The following POLRMT variants were observed in gnomAD, a reference collection of about 807,000 sequenced individuals.
POLRMT encodes RNA polymerase mitochondrial, also known as DNA-directed RNA polymerase, mitochondrial.
A neutral mutation model predicts 132.2 loss-of-function variants in POLRMT; 114 were observed. The ratio of observed to expected loss-of-function variants is 0.86; its 90% CI spans 0.74 to 1.01. The LOEUF (loss-of-function observed/expected upper bound fraction) is 1.01, where lower values mean the gene tolerates loss of function less well. Ranked by LOEUF, POLRMT falls within the 50% of genes least tolerant of loss-of-function variation. The pLI, the probability that POLRMT is intolerant of heterozygous loss-of-function variation, is 0.00. For synonymous variants in POLRMT, 1,020 were observed against 773.4 expected (o/e 1.32, Z -5.29); for missense variants, 2,003 against 1,729.1 (o/e 1.16, Z -2.81).
In POLRMT at chr19:621,664, C is replaced by T. The variant is rs764634058; in HGVS notation, c.2034G>A (p.Thr678=). 2.6e-6 allele frequency: 4 copies of T among 1,547,610 alleles called. No homozygotes were observed. The highest frequency in any genetic ancestry group is 1.9e-5 in the Admixed American group (1 of 53,432). ...TKLMRTVEGA[T]QHQELLETCP... is the part of the protein sequence containing the mutation. ...AGGTTTCCAGCAGCTCCTGGTGCTG[C>T]GTGGCGCCTTCCACCGTGCGCATCA... Residue 678 remains threonine, a synonymous_variant, in exon 10 of 21, where the codon ACG becomes ACA. Transcript: ENST00000588649.
chr19:619,638 C>G lies in POLRMT; in HGVS notation c.3014G>C (p.Gly1005Ala). The change falls in exon 13 of 21, where the codon GGC becomes GCC. Residue 1005 changes from glycine (G) to alanine (A), a missense_variant. Physicochemically the swap from Gly to Ala is moderately conservative, Grantham distance 60. Transcript: ENST00000588649. The stretch of plus-strand genomic sequence containing the variant: ...GCGCTTCTCAATCTGCAGGCGCCCG[C>G]CATAGCGCGTGACCCCGTACACCAC... ...MTVVYGVTRY[G>A]GRLQIEKRLR... The G allele has an allele frequency of 5.0e-6, 8 of 1,610,848 alleles. No homozygotes were observed. The highest frequency in any genetic ancestry group is 6.8e-6 in the Non-Finnish European group (8 of 1,179,670).
intron 2 of POLRMT, among the ~76,000 whole-genome samples, chr19:632,074 C>T (rs369474658): frequency 6.9e-6 from 1 of 145,916 alleles, no homozygotes; most frequent in Non-Finnish European, 1.5e-5. Flanking sequence ...CACCAGGCCT[C>T]GGACCCTTGA....
Position 621,724 on chromosome 19 carries a change from C to A in POLRMT, c.1974G>T (p.Pro658=). Residue 658 remains proline (P), a synonymous_variant, in exon 10 of 21, where the codon CCG becomes CCT. Coordinates refer to ENST00000588649, the MANE Select transcript of POLRMT (RefSeq NM_005035.4). ...MLCPPLPWTS[P]HSGAFLLSPT... ...GGCTGAGCAGGAAAGCACCAGAGTGCGGCGATGTCCAGGGCAGCGGGGGGC... is the reference window on the plus strand; with the variant it reads ...GGCTGAGCAGGAAAGCACCAGAGTGAGGCGATGTCCAGGGCAGCGGGGGGC... 1 of 1,596,734 alleles carries A rather than the reference C, an allele frequency of 6.3e-7. No individual in the cohort carries two copies. Among genetic ancestry groups the A allele is most frequent in the South Asian group, 1.1e-5 (1 of 90,500 alleles).
chr19:631,564 G>A (rs10409340), intron 2 of POLRMT, among the ~76,000 whole-genome samples: 13,848 of 151,884 alleles, frequency 0.091, 1,179 homozygotes, highest in African/African-American at 0.22. Context: ...GCTTGAACTC[G>A]GGAGGCGGAG....
In POLRMT at chr19:621,825, G is replaced by T. The variant is rs777191679; in HGVS notation, c.1873C>A (p.Pro625Thr). Residue 625 changes from proline to threonine, a missense_variant, in exon 10 of 21, where the codon CCG (proline) becomes ACG (threonine). Physicochemically the swap from Pro to Thr is conservative, Grantham distance 38. Transcript: ENST00000588649. ...VQQIGILKPH[P>T]AYVQLLEKAA... Reference sequence around the variant, plus strand: ...TTCTCCAGCAGCTGCACGTAGGCCGGGTGCGGCTTCAGGATGCCGATCTGG... The same window carrying T: ...TTCTCCAGCAGCTGCACGTAGGCCGTGTGCGGCTTCAGGATGCCGATCTGG... The T allele has an allele frequency of 6.2e-7, 1 of 1,602,352 alleles. No individual in the cohort carries two copies. Among genetic ancestry groups the T allele is most frequent in the East Asian group, 2.2e-5 (1 of 44,882 alleles).
chr19:625,198 A>G lies in POLRMT; in HGVS notation c.879T>C (p.Thr293=), dbSNP rs1056766. The change falls in exon 4 of 21, where the codon ACT becomes ACC. Residue 293 remains threonine (T), a synonymous_variant. Coordinates refer to ENST00000588649, the MANE Select transcript of POLRMT (RefSeq NM_005035.4). ...CAGCCGCATAGGACAGCAGGTCCGG[A>G]GTCAAGCCGGCATCCTTCACCATGA... The part of the protein sequence containing the change: ...VLFMVKDAGL[T]PDLLSYAAAL... The G allele has an allele frequency of 0.51, 826,972 of 1,612,776 alleles. 220,994 individuals are homozygous for G. The highest frequency in any genetic ancestry group is 0.83 in the African/African-American group (62,229 of 74,974).
intron 10 of POLRMT, among the ~76,000 whole-genome samples, chr19:620,747 G>C (rs1447367221): frequency 1.1e-4 from 16 of 142,296 alleles, no homozygotes; most frequent in Admixed American, 1.1e-3. Flanking sequence ...AGAGGACCTG[G>C]GGGCGCCGGG....
Position 622,231 on chromosome 19 carries a change from G to A in POLRMT, c.1769C>T (p.Pro590Leu). Reference sequence around the variant, plus strand: ...ACGATGCGGCTTGTCCAGGCTGCATGGCATCTGCGTAGCCTGCACCAGCAT... The same window carrying A: ...ACGATGCGGCTTGTCCAGGCTGCATAGCATCTGCGTAGCCTGCACCAGCAT... ...AEMLVQATQM[P>L]CSLDKPHRSS... is the part of the protein sequence containing the mutation. Residue 590 changes from proline (P) to leucine (L), a missense_variant, in exon 9 of 21, where the codon CCA becomes CTA. Pro to Leu is a moderately conservative substitution (Grantham distance 98). Coordinates refer to ENST00000588649, the MANE Select transcript of POLRMT (RefSeq NM_005035.4). 1 of 1,562,096 alleles carries A rather than the reference G, an allele frequency of 6.4e-7. No individual in the cohort carries two copies.
chr19:622,613 T>C lies in POLRMT; in HGVS notation c.1595A>G (p.Lys532Arg), dbSNP rs1984706238. ...QVQALQNHYRKYLCLLASDAE... is the reference protein window; with the variant it reads ...QVQALQNHYRRYLCLLASDAE... Reference sequence around the variant, plus strand: ...GTCGGAGGCCAGCAAGCAGAGGTACTTCCTGTAGTGGTTCTGCAGCGCCTG... The same window carrying C: ...GTCGGAGGCCAGCAAGCAGAGGTACCTCCTGTAGTGGTTCTGCAGCGCCTG... Residue 532 changes from lysine (K) to arginine (R), a missense_variant, in exon 8 of 21, where the codon AAG (lysine) becomes AGG (arginine). Coordinates refer to ENST00000588649, the MANE Select transcript of POLRMT (RefSeq NM_005035.4). The C allele has an allele frequency of 6.2e-7, 1 of 1,607,506 alleles. No individual in the cohort carries two copies. The highest frequency in any genetic ancestry group is 1.1e-5 in the South Asian group (1 of 90,324).
At chr19:620,157 C>G (rs924938443) in intron 11 of POLRMT, 77 bp from the exon 12 acceptor site, 20 of 1,515,420 alleles carry the variant, frequency 1.3e-5, no homozygotes, top group East Asian at 2.5e-5. Context: ...CCCCCCAGGT[C>G]GAGCCGTTCC....
rs896055092 is a variant in POLRMT, at chr19:633,199, C to A, written c.88+226G>T. On this transcript the variant is annotated intron_variant, in intron 1 of 20. Transcript: ENST00000588649. ...AAGGTTAAGAGCCCTAAACACCACACCTGGGGTCAGGAGGCTGCATAAGAA... is the reference window on the plus strand; with the variant it reads ...AAGGTTAAGAGCCCTAAACACCACAACTGGGGTCAGGAGGCTGCATAAGAA... 5 of 600,250 alleles carry A rather than the reference C, an allele frequency of 8.3e-6. No homozygotes were observed. The Admixed American group carries it at 1.5e-4, about 17-fold the overall frequency. The allele number at this position is 600,250 out of a possible 1,614,324, so 37.2% of individuals were successfully genotyped here.
At chr19:620,342 G>A in intron 11 of POLRMT, 23 bp downstream of exon 11, 1 of 1,553,536 alleles carries the variant, frequency 6.4e-7, no homozygotes, top group Non-Finnish European at 8.7e-7. Context: ...CACGGCCTCG[G>A]GGGCCAGACC....
chr19:622,140 G>C lies in POLRMT; in HGVS notation c.1851+9C>G, dbSNP rs746383196. On this transcript the variant is annotated intron_variant, in intron 9 of 20. Transcript: ENST00000588649. ...ATGCCCCCCAGCTCAGGAGGGCACTGCCTGGCACCTGCTGGACGTTGCGGA... is the reference window on the plus strand; with the variant it reads ...ATGCCCCCCAGCTCAGGAGGGCACTCCCTGGCACCTGCTGGACGTTGCGGA... The C allele has an allele frequency of 6.5e-6, 10 of 1,540,432 alleles. No homozygotes were observed. Among genetic ancestry groups the C allele is most frequent in the Non-Finnish European group, 8.7e-6 (10 of 1,145,058 alleles).
intron 6 of POLRMT, 99 bp from the exon 7 acceptor site, chr19:623,084 C>T: frequency 1.5e-6 from 2 of 1,331,566 alleles, no homozygotes; most frequent in South Asian, 1.4e-5. Flanking sequence ...GACCTCATGG[C>T]CCTCAAGGTC....
Position 621,263 on chromosome 19 carries a change from T to A in POLRMT, c.2435A>T (p.His812Leu). 2 of 1,607,830 alleles carry A rather than the reference T, an allele frequency of 1.2e-6. No homozygotes were observed. Among genetic ancestry groups the A allele is most frequent in the Non-Finnish European group, 1.7e-6 (2 of 1,177,926 alleles). Residue 812 changes from histidine to leucine, a missense_variant, in exon 10 of 21, where the codon CAC becomes CTC. By Grantham distance (99) the His-to-Leu change is moderately conservative. Coordinates refer to ENST00000588649, the MANE Select transcript of POLRMT (RefSeq NM_005035.4). The stretch of plus-strand genomic sequence containing the variant: ...CACGTCGCTGCCCAGGTGGTTGAAG[T>A]GCGGCGGGCAGGGGTAGGTGCGGCC... ...FRGRTYPCPPHFNHLGSDVAR... is the reference protein window; with the variant it reads ...FRGRTYPCPPLFNHLGSDVAR...
At chr19:619,324 T>TCCTCAGGGGCTGGC in intron 13 of POLRMT, 28 bp from the exon 14 acceptor site, 1 of 1,600,412 alleles carries the variant, frequency 6.2e-7, no homozygotes, top group Non-Finnish European at 8.5e-7. Context: ...CAGGTGCAGG[T>TCCTCAGGGGCTGGC]CCTCAGGGGC....
At position 618,714 on chromosome 19, in the gene POLRMT, T is replaced by C. The variant is rs1364746411; in HGVS notation, c.3314A>G (p.Asp1105Gly). ...IQSITYTHNG[D>G]ISRKPNTRKQ... ...CGGGCCCCCCACTCACCGGCTGATG[T>C]CTCCGTTGTGGGTGTAGGTGATGCT... The change falls in exon 16 of 21, where the codon GAC becomes GGC. Residue 1105 changes from aspartate to glycine, a missense_variant. Asp to Gly is a moderately conservative substitution (Grantham distance 94). Transcript: ENST00000588649. 6.2e-7 allele frequency: 1 copy of C among 1,607,642 alleles called. No individual in the cohort carries two copies. The highest frequency in any genetic ancestry group is 8.5e-7 in the Non-Finnish European group (1 of 1,177,482).
chr19:632,821 G>T lies in POLRMT; in HGVS notation c.193+13C>A. 19 of 1,530,644 alleles carry T rather than the reference G, an allele frequency of 1.2e-5. No homozygotes were observed. Among genetic ancestry groups the T allele is most frequent in the Non-Finnish European group, 1.7e-5 (19 of 1,140,568 alleles). 94.8% of individuals were successfully genotyped at this position (1,530,644 alleles called of 1,614,324 possible). A position where few individuals can be genotyped will look rare whatever the true frequency, so the allele number is the denominator to read the frequency against. ...ACTCTCCTCTCCCGGGCCGCCGTGG[G>T]GGTCGCGCTCACCCTCCAGCAGCTC... is the stretch of plus-strand genomic sequence containing the variant. On this transcript the variant is annotated intron_variant, in intron 2 of 20. Transcript: ENST00000588649.
chr19:623,734 G>C, intron 5 of POLRMT, 131 bp from the exon 6 acceptor site: 2 of 1,139,910 alleles, frequency 1.8e-6, no homozygotes, highest in East Asian at 5.0e-5. Context: ...CTGACGCGGG[G>C]AAAGGCGGGC....
Sources: gnomAD v4.1 joint callset for allele counts (sites outside exome capture counted in the v4.1 genomes callset) on GRCh38, gnomAD v4.1.1 for gene constraint, MANE v1.5 for transcripts, NCBI Gene and HGNC (gene_info 2026-07-23, HGNC 2026-07-21) for gene names.